SIK3: variants seen among roughly 807,000 people sequenced by gnomAD.
SIK3 encodes the protein SIK family kinase 3.
In SIK3, 28 loss-of-function variants were observed where a neutral mutation model predicts 144.2. That is an observed-to-expected ratio of 0.19 (90% confidence interval 0.14 to 0.27). The LOEUF (loss-of-function observed/expected upper bound fraction) is 0.27, where lower values mean the gene tolerates loss of function less well. SIK3 is among the 10% of genes least tolerant of loss of function. SIK3 has a pLI of 1.00. For missense variants in SIK3, 1,319 were observed against 1,776.0 expected (o/e 0.74, Z 4.62); for synonymous variants, 686 against 676.3 (o/e 1.01, Z -0.22).
intron 1 of SIK3, among the ~76,000 whole-genome samples, chr11:116,982,902 C>T (rs1950194581): frequency 7.1e-6 from 1 of 140,480 alleles, no homozygotes; most frequent in African/African-American, 2.7e-5. Context: ...TCAGATCACA[C>T]CACTGCACTC....
chr11:116,866,927 C>T (rs555703637), intron 15 of SIK3, among the ~76,000 whole-genome samples: 3 of 152,266 alleles, frequency 2.0e-5, no homozygotes, highest in Admixed American at 2.0e-4. Context: ...AGGGTTCCAA[C>T]GTGGCACTAA....
intron 1 of SIK3, among the ~76,000 whole-genome samples, chr11:117,031,191 T>A (rs61153350): frequency 0.014 from 2,147 of 152,258 alleles, 64 homozygotes; most frequent in African/African-American, 0.049. Flanking sequence ...CTTTTCTAGA[T>A]CATACTTTTG....
intron 6 of SIK3, among the ~76,000 whole-genome samples, chr11:116,889,484 T>C (rs1393291943): frequency 6.6e-6 from 1 of 152,172 alleles, no homozygotes; most frequent in Non-Finnish European, 1.5e-5. Context: ...GGAGGGTTGT[T>C]TGAACCCAGG....
At chr11:116,939,202 C>A (rs1948151849) in intron 3 of SIK3, among the ~76,000 whole-genome samples, 1 of 152,178 alleles carries the variant, frequency 6.6e-6, no homozygotes, top group Admixed American at 6.5e-5. Context: ...GGCTGTAGTG[C>A]AATGGCGCGG....
At chr11:116,946,368 T>TA (rs34661549) in intron 3 of SIK3, among the ~76,000 whole-genome samples, 9,109 of 152,188 alleles carry the variant, frequency 0.06, 522 homozygotes, top group African/African-American at 0.14. Context: ...CTTTGTCACT[T>TA]ACGGCACAGC....
chr11:117,065,175 CAATAATAATAAT>C (rs969211734), intron 1 of SIK3, among the ~76,000 whole-genome samples: 1 of 148,310 alleles, frequency 6.7e-6, no homozygotes, highest in Non-Finnish European at 1.5e-5. Context: ...ATAATAATAA[CAATAATAATAAT>C]AATAATTTCG....
intron 1 of SIK3, among the ~76,000 whole-genome samples, chr11:117,096,559 G>C (rs1817283092): frequency 6.6e-6 from 1 of 152,122 alleles, no homozygotes; most frequent in South Asian, 2.1e-4. Flanking sequence ...CTTCCCCTCA[G>C]GGTCTGAGGG....
intron 1 of SIK3, among the ~76,000 whole-genome samples, chr11:117,078,856 C>T (rs943012405): frequency 9.2e-5 from 14 of 152,012 alleles, no homozygotes; most frequent in African/African-American, 3.4e-4. Flanking sequence ...CCTTTTCTGC[C>T]ACCTACCCCT....
intron 1 of SIK3, among the ~76,000 whole-genome samples, chr11:117,021,263 A>C (rs1382272189): frequency 6.6e-6 from 1 of 152,242 alleles, no homozygotes; most frequent in Non-Finnish European, 1.5e-5. Context: ...AGTAAAAAAT[A>C]AACATTAAAC....
At chr11:117,036,591 C>A (rs534040715) in intron 1 of SIK3, among the ~76,000 whole-genome samples, 1 of 152,324 alleles carries the variant, frequency 6.6e-6, no homozygotes, top group East Asian at 1.9e-4. Context: ...GAATTTTAGA[C>A]TTTTCTCCCC....
At position 116,856,092 on chromosome 11, in the gene SIK3, G is replaced by A. The variant is rs868043400; in HGVS notation, c.3655+1718C>T. ...GGCACATGTAGTCCCAGCTACTCGG[G>A]AGGCTGAGGCAGGAGAATGGCGTGA... On this transcript the variant is annotated intron_variant, in intron 21 of 24. Coordinates refer to ENST00000445177, the MANE Select transcript of SIK3 (RefSeq NM_001366686.3). Among the ~76,000 whole-genome samples, 13 of 151,912 alleles carry A rather than the reference G, an allele frequency of 8.6e-5. No homozygotes were observed. The South Asian group carries it at 2.3e-3, about 27-fold the overall frequency.
At chr11:116,967,709 A>G (rs544190869) in intron 1 of SIK3, among the ~76,000 whole-genome samples, 1 of 152,298 alleles carries the variant, frequency 6.6e-6, no homozygotes, top group African/African-American at 2.4e-5. Context: ...CTCGGATGTC[A>G]GTAGTGTGCT....
chr11:116,844,652 TATATAA>T lies in SIK3; in HGVS notation c.*985_*990del, dbSNP rs1941807414. The T allele has an allele frequency of 2.0e-5, 2 of 100,642 alleles. No individual in the cohort carries two copies. The highest frequency in any genetic ancestry group is 2.9e-4 in the South Asian group (1 of 3,422). The allele number at this position is 100,642 out of a possible 1,614,324, so 6.2% of individuals were successfully genotyped here. On this transcript the variant is annotated 3_prime_UTR_variant, in exon 25 of 25. Transcript: ENST00000445177. Reference sequence around the variant, plus strand: ...ATAATATATTATATTATATATTATATATATAATATATATATACACATATATTATATT... The same window carrying T: ...ATAATATATTATATTATATATTATATTATATATATACACATATATTATATT...
At chr11:116,987,332 A>AC (rs201445271) in intron 1 of SIK3, among the ~76,000 whole-genome samples, 24,150 of 151,184 alleles carry the variant, frequency 0.16, 2,061 homozygotes, top group Admixed American at 0.21. Context: ...AAAAAAAAAA[A>AC]AAAAAACACA....
intron 1 of SIK3, among the ~76,000 whole-genome samples, chr11:117,091,200 C>CTTTTTTTTTTTTTTTTTTTT (rs386375011): frequency 3.2e-5 from 3 of 93,008 alleles, no homozygotes; most frequent in Non-Finnish European, 3.9e-5. Flanking sequence ...TTTTTTTTTT[C>CTTTTTTTTTTTTTTTTTTTT]TTTTTTTTTT....
chr11:116,883,338 G>C (rs904824462), intron 6 of SIK3, among the ~76,000 whole-genome samples: 2 of 152,176 alleles, frequency 1.3e-5, no homozygotes, highest in Admixed American at 1.3e-4. Context: ...ATAATGTCCT[G>C]ATCTTGTTAT....
At chr11:116,853,999 G>A (rs148065722) in intron 21 of SIK3, among the ~76,000 whole-genome samples, 2 of 152,290 alleles carry the variant, frequency 1.3e-5, no homozygotes, top group Non-Finnish European at 2.9e-5. Flanking sequence ...ACTGGCTGGT[G>A]GCAAATCGCC....
In SIK3 at chr11:116,957,052, T is replaced by C; in HGVS notation, c.286A>G (p.Ile96Val). The change falls in exon 2 of 25, where the codon ATC (isoleucine) becomes GTC (valine). Residue 96 changes from isoleucine (I) to valine (V), a missense_variant. Ile to Val is a conservative substitution (Grantham distance 29, BLOSUM62 3). Coordinates refer to ENST00000445177, the MANE Select transcript of SIK3 (RefSeq NM_001366686.3). ...LVTKAKVAIKIIDKTQLDEEN... is the reference protein window; with the variant it reads ...LVTKAKVAIKVIDKTQLDEEN... Reference sequence around the variant, plus strand: ...TCATCCAGCTGGGTCTTATCTATGATCTTGATAGCAACCTGACAACAGAGG... The same window carrying C: ...TCATCCAGCTGGGTCTTATCTATGACCTTGATAGCAACCTGACAACAGAGG... The C allele has an allele frequency of 6.3e-7, 1 of 1,599,620 alleles. No individual in the cohort carries two copies. The highest frequency in any genetic ancestry group is 8.5e-7 in the Non-Finnish European group (1 of 1,174,914).
At chr11:116,862,848 C>T (rs932008515) in intron 16 of SIK3, among the ~76,000 whole-genome samples, 3 of 152,170 alleles carry the variant, frequency 2.0e-5, no homozygotes, top group East Asian at 1.9e-4. Context: ...CCGAGACGGG[C>T]GGATCACCTG....
Sources: gnomAD v4.1 joint callset for allele counts (sites outside exome capture counted in the v4.1 genomes callset) on GRCh38, gnomAD v4.1.1 for gene constraint, MANE v1.5 for transcripts, NCBI Gene and HGNC (gene_info 2026-07-23, HGNC 2026-07-21) for gene names.